CDC37L1: variants seen among roughly 807,000 people sequenced by gnomAD.
The protein encoded by CDC37L1 is cell division cycle 37 like 1, HSP90 cochaperone.
A neutral mutation model predicts 45.9 loss-of-function variants in CDC37L1; 32 were observed. The ratio of observed to expected loss-of-function variants is 0.70; its 90% CI spans 0.53 to 0.94. The LOEUF is 0.94. Among genes scored for constraint, CDC37L1 ranks in the 40% least tolerant of loss-of-function variants. CDC37L1 has a pLI of 0.00. For synonymous variants in CDC37L1, 150 were observed against 133.0 expected (o/e 1.13, Z -0.88); for missense variants, 434 against 405.7 (o/e 1.07, Z -0.60).
intron 2 of CDC37L1, among the ~76,000 whole-genome samples, chr9:4,686,881 A>ATG (rs1411100820): frequency 6.6e-6 from 1 of 152,220 alleles, no homozygotes; most frequent in Non-Finnish European, 1.5e-5. Context: ...GATTCCAATG[A>ATG]TGTAGTGCCA....
At chr9:4,702,347 C>A in intron 6 of CDC37L1, among the ~76,000 whole-genome samples, 1 of 152,188 alleles carries the variant, frequency 6.6e-6, no homozygotes, top group African/African-American at 2.4e-5. Flanking sequence ...TTCCTTAAAA[C>A]ATCTCATCCT....
At chr9:4,696,397 A>C (rs1171544058) in intron 3 of CDC37L1, among the ~76,000 whole-genome samples, 1 of 152,124 alleles carries the variant, frequency 6.6e-6, no homozygotes, top group Non-Finnish European at 1.5e-5. Context: ...TAATCCCAGC[A>C]CTTTGGGAGG....
intron 3 of CDC37L1, among the ~76,000 whole-genome samples, chr9:4,691,804 T>C (rs899765387): frequency 6.6e-6 from 1 of 152,218 alleles, no homozygotes; most frequent in African/African-American, 2.4e-5. Flanking sequence ...TCTGACTTTT[T>C]CCTCTACATT....
chr9:4,692,142 T>C (rs1323637808), intron 3 of CDC37L1, among the ~76,000 whole-genome samples: 1 of 152,168 alleles, frequency 6.6e-6, no homozygotes, highest in Non-Finnish European at 1.5e-5. Context: ...CTATGAATAT[T>C]TACAACCTCT....
chr9:4,704,529 G>C (rs1260297136), intron 6 of CDC37L1, among the ~76,000 whole-genome samples: 1 of 152,150 alleles, frequency 6.6e-6, no homozygotes, highest in Non-Finnish European at 1.5e-5. Flanking sequence ...AATCTCCTCA[G>C]CCAATTCTGT....
In CDC37L1 at chr9:4,702,133, A is replaced by G. The variant is rs150459714; in HGVS notation, c.912+105A>G. The G allele has an allele frequency of 8.2e-4, 410 of 501,372 alleles. 2 individuals carry two copies. Among genetic ancestry groups the G allele is most frequent in the African/African-American group, 7.6e-3 (375 of 49,560 alleles). The allele number at this position is 501,372 out of a possible 1,614,324, so 31.1% of individuals were successfully genotyped here. A position where few individuals can be genotyped will look rare whatever the true frequency, so the allele number is the denominator to read the frequency against. On this transcript the variant is annotated intron_variant, in intron 6 of 6. Coordinates refer to ENST00000381854, the MANE Select transcript of CDC37L1 (RefSeq NM_017913.4). ...TTTTTAATATGTGCTACTATTTTAA[A>G]TATTCCTGCCTCAGAAGATAACTGT...
intron 2 of CDC37L1, 120 bp from the exon 3 acceptor site, chr9:4,688,393 C>A: frequency 2.1e-6 from 1 of 486,530 alleles, no homozygotes; most frequent in East Asian, 3.9e-5. Flanking sequence ...CATGTAATAT[C>A]AGTATGATAC....
In CDC37L1 at chr9:4,684,878, T is replaced by G. The variant is rs775821778; in HGVS notation, c.134T>G (p.Met45Arg). 5 of 1,607,086 alleles carry G rather than the reference T, an allele frequency of 3.1e-6. No homozygotes were observed. In the East Asian group the frequency reaches 8.9e-5, roughly 29 times the overall value. Reference sequence around the variant, plus strand: ...CTTACAAATATTGTTTTTATCCAGATGTATAGCCATGGAATTGAATTGGCT... The same window carrying G: ...CTTACAAATATTGTTTTTATCCAGAGGTATAGCCATGGAATTGAATTGGCT... ...CPQLPGGGAQ[M>R]YSHGIELACQ... Residue 45 changes from methionine (M) to arginine (R), a missense_variant and splice_region_variant, in exon 2 of 7, where the codon ATG becomes AGG. Physicochemically the swap from Met to Arg is moderately conservative, Grantham distance 91. Transcript: ENST00000381854.
Position 4,696,999 on chromosome 9 carries a change from C to A in CDC37L1, c.509-97C>A, listed in dbSNP as rs1181758369. ...TTTAAAGAGAATCATTTAAAAATACCATTGAGAGATTAATGAATTAAGAAT... is the reference window on the plus strand; with the variant it reads ...TTTAAAGAGAATCATTTAAAAATACAATTGAGAGATTAATGAATTAAGAAT... On this transcript the variant is annotated intron_variant, in intron 3 of 6. Coordinates refer to ENST00000381854, the MANE Select transcript of CDC37L1 (RefSeq NM_017913.4). The A allele has an allele frequency of 4.8e-6, 3 of 625,208 alleles. No homozygotes were observed. The African/African-American group carries it at 5.7e-5, about 12-fold the overall frequency. The allele number at this position is 625,208 out of a possible 1,614,324, so 38.7% of individuals were successfully genotyped here. A position where few individuals can be genotyped will look rare whatever the true frequency, so the allele number is the denominator to read the frequency against.
intron 3 of CDC37L1, among the ~76,000 whole-genome samples, chr9:4,689,627 A>G (rs1032038999): frequency 3.3e-5 from 5 of 152,218 alleles, no homozygotes; most frequent in African/African-American, 1.2e-4. Context: ...AATAAAGACA[A>G]AGTTTTTCTA....
Position 4,707,589 on chromosome 9 carries a change from T to A in CDC37L1, c.*1477T>A, listed in dbSNP as rs1841455773. On this transcript the variant is annotated 3_prime_UTR_variant, in exon 7 of 7. Transcript: ENST00000381854. ...ATCTTCTTCTGTAACATCACAATCTTCCTGGTTTTCAGAATAAACGTTTTT... is the reference window on the plus strand; with the variant it reads ...ATCTTCTTCTGTAACATCACAATCTACCTGGTTTTCAGAATAAACGTTTTT... 1.3e-5 allele frequency: 2 copies of A among 152,218 alleles called. No homozygotes were observed. Among genetic ancestry groups the A allele is most frequent in the Admixed American group, 6.5e-5 (1 of 15,276 alleles). 9.4% of individuals were successfully genotyped at this position (152,218 alleles called of 1,614,324 possible). A position where few individuals can be genotyped will look rare whatever the true frequency, so the allele number is the denominator to read the frequency against.
intron 5 of CDC37L1, among the ~76,000 whole-genome samples, chr9:4,699,219 G>A (rs1283245966): frequency 6.6e-6 from 1 of 152,204 alleles, no homozygotes; most frequent in Non-Finnish European, 1.5e-5. Context: ...ATAAATTGTG[G>A]TGTAGGTTGA....
At chr9:4,699,563 T>G (rs1354626096) in intron 5 of CDC37L1, among the ~76,000 whole-genome samples, 1 of 152,198 alleles carries the variant, frequency 6.6e-6, no homozygotes, top group Non-Finnish European at 1.5e-5. Flanking sequence ...AATGTTCGTA[T>G]TTTGTATTTT....
At chr9:4,692,829 C>G (rs367562476) in intron 3 of CDC37L1, among the ~76,000 whole-genome samples, 13 of 152,238 alleles carry the variant, frequency 8.5e-5, no homozygotes, top group African/African-American at 2.6e-4. Context: ...AGTATAACCA[C>G]AGGACTTGGT....
At chr9:4,681,826 A>G (rs1341717855) in intron 1 of CDC37L1, among the ~76,000 whole-genome samples, 1 of 152,194 alleles carries the variant, frequency 6.6e-6, no homozygotes, top group Non-Finnish European at 1.5e-5. Context: ...TTATCAAATA[A>G]GGGGGATCTA....
intron 3 of CDC37L1, among the ~76,000 whole-genome samples, chr9:4,693,050 G>A (rs1841315706): frequency 1.3e-5 from 2 of 152,106 alleles, no homozygotes; most frequent in Admixed American, 1.3e-4. Flanking sequence ...TTAGGAATAT[G>A]GGAAATGATC....
rs150904056 is a variant in CDC37L1, at chr9:4,688,596, C to G, written c.498C>G (p.Ile166Met). 13 of 1,523,224 alleles carry G rather than the reference C, an allele frequency of 8.5e-6. No individual in the cohort carries two copies. The highest frequency in any genetic ancestry group is 8.9e-6 in the Non-Finnish European group (10 of 1,124,730). The allele number at this position is 1,523,224 out of a possible 1,614,324, so 94.4% of individuals were successfully genotyped here. Reference sequence around the variant, plus strand: ...TTATGCAAAAATATGAGCAAAAAATCAGACATTTTGGTAAGTCTACTACTT... The same window carrying G: ...TTATGCAAAAATATGAGCAAAAAATGAGACATTTTGGTAAGTCTACTACTT... Reference protein sequence around the residue: ...ESFMQKYEQKIRHFGMLSRWD... With the variant: ...ESFMQKYEQKMRHFGMLSRWD... Residue 166 changes from isoleucine (I) to methionine (M), a missense_variant, in exon 3 of 7, where the codon ATC becomes ATG. Coordinates refer to ENST00000381854, the MANE Select transcript of CDC37L1 (RefSeq NM_017913.4).
Position 4,703,066 on chromosome 9 carries a change from C to T in CDC37L1, c.912+1038C>T, listed in dbSNP as rs1049303651. The T allele has an allele frequency of 1.9e-6, 3 of 1,541,062 alleles. No individual in the cohort carries two copies. In the East Asian group the frequency reaches 7.4e-5, roughly 38 times the overall value. ...TTACTAGTAGCACTTTAATAGAGCC[C>T]AGTCATCTCTCATTTCCAGGCTCCA... On this transcript the variant is annotated intron_variant, in intron 6 of 6. Transcript: ENST00000381854.
rs1841451734 is a variant in CDC37L1, at chr9:4,707,136, G to A, written c.*1024G>A. The A allele has an allele frequency of 6.6e-6, 1 of 152,010 alleles. No homozygotes were observed. Among genetic ancestry groups the A allele is most frequent in the Admixed American group, 6.6e-5 (1 of 15,264 alleles). 9.4% of individuals were successfully genotyped at this position (152,010 alleles called of 1,614,324 possible). A position where few individuals can be genotyped will look rare whatever the true frequency, so the allele number is the denominator to read the frequency against. ...TTCTGAGAATTTGGTGACTCTTATTGGTAATGATGGCATTTACAACATTTG... is the reference window on the plus strand; with the variant it reads ...TTCTGAGAATTTGGTGACTCTTATTAGTAATGATGGCATTTACAACATTTG... On this transcript the variant is annotated 3_prime_UTR_variant, in exon 7 of 7. Coordinates refer to ENST00000381854, the MANE Select transcript of CDC37L1 (RefSeq NM_017913.4).
Sources: gnomAD v4.1 joint callset for allele counts (sites outside exome capture counted in the v4.1 genomes callset) on GRCh38, gnomAD v4.1.1 for gene constraint, MANE v1.5 for transcripts, NCBI Gene and HGNC (gene_info 2026-07-23, HGNC 2026-07-21) for gene names.